The following DOCK1 variants were observed in gnomAD, a reference collection of about 807,000 sequenced individuals.
DOCK1 encodes dedicator of cytokinesis protein 1.
In DOCK1, 138 loss-of-function variants were observed where a neutral mutation model predicts 262.7. The ratio of observed to expected loss-of-function variants is 0.53; its 90% CI spans 0.46 to 0.61. The LOEUF (loss-of-function observed/expected upper bound fraction) is 0.61, where lower values mean the gene tolerates loss of function less well. Ranked by LOEUF, DOCK1 falls within the 20% of genes least tolerant of loss-of-function variation. The probability of loss-of-function intolerance (pLI) is 0.00; values close to 1 mark genes in which losing one functional copy is unlikely to be tolerated. For missense variants in DOCK1, 1,908 were observed against 2,370.7 expected (o/e 0.80, Z 4.05); for synonymous variants, 866 against 867.4 (o/e 1.00, Z 0.03).
intron 27 of DOCK1, among the ~76,000 whole-genome samples, chr10:127,178,149 A>C (rs1228253440): frequency 2.6e-5 from 4 of 152,222 alleles, no homozygotes; most frequent in Admixed American, 6.5e-5. Flanking sequence ...CTAGCCCTCT[A>C]TTAAAATGAC....
intron 1 of DOCK1, among the ~76,000 whole-genome samples, chr10:126,970,117 G>A (rs917074303): frequency 2.6e-5 from 4 of 152,090 alleles, no homozygotes; most frequent in African/African-American, 9.7e-5. Flanking sequence ...AGTGTGGTTG[G>A]AATTTAATGG....
At chr10:127,017,284 G>GAC (rs565623720) in intron 12 of DOCK1, among the ~76,000 whole-genome samples, 1 of 88,382 alleles carries the variant, frequency 1.1e-5, no homozygotes, top group Non-Finnish European at 2.4e-5. Flanking sequence ...GACACACACA[G>GAC]ACACACACAT....
At chr10:127,130,859 C>T (rs2050279823) in intron 27 of DOCK1, among the ~76,000 whole-genome samples, 1 of 152,204 alleles carries the variant, frequency 6.6e-6, no homozygotes, top group South Asian at 2.1e-4. Flanking sequence ...GCACACGATG[C>T]TGATGGCCGT....
At chr10:127,329,076 G>A (rs2062865098) in intron 29 of DOCK1, among the ~76,000 whole-genome samples, 1 of 152,012 alleles carries the variant, frequency 6.6e-6, no homozygotes. Context: ...TATCACTACT[G>A]TTGATTTCCA....
chr10:127,293,684 C>A (rs1205154472), intron 29 of DOCK1, among the ~76,000 whole-genome samples: 2 of 152,220 alleles, frequency 1.3e-5, no homozygotes, highest in Non-Finnish European at 2.9e-5. Flanking sequence ...CCCTATGAAC[C>A]AGAAGATCAA....
chr10:127,340,271 G>A (rs2063373565), intron 30 of DOCK1, among the ~76,000 whole-genome samples: 1 of 152,112 alleles, frequency 6.6e-6, no homozygotes, highest in African/African-American at 2.4e-5. Flanking sequence ...CAGTTTAGCA[G>A]GTAAAATAGG....
rs1476134571 is a variant in DOCK1 at position 127,251,370 on chromosome 10, CA to C, written c.2949+3262del. On this transcript the variant is annotated intron_variant, in intron 28 of 51. Transcript: ENST00000623213. ...ATATGAAAGTGGCCAAAACACTTTCCATTTTTTTTTAAATTTTATTATTATT... is the reference window on the plus strand; with the variant it reads ...ATATGAAAGTGGCCAAAACACTTTCCTTTTTTTTTAAATTTTATTATTATT... 1.4e-3 allele frequency among the ~76,000 whole-genome samples: 217 copies of C among 150,094 alleles called. 1 individual carries two copies. The highest frequency in any genetic ancestry group is 1.2e-3 in the East Asian group (6 of 5,122).
intron 29 of DOCK1, among the ~76,000 whole-genome samples, chr10:127,337,528 A>T (rs989911442): frequency 1.3e-5 from 2 of 152,164 alleles, no homozygotes; most frequent in Non-Finnish European, 2.9e-5. Flanking sequence ...GCTTTATTCA[A>T]ATTTAACTGG....
rs1007133724 is a variant in DOCK1 at position 126,943,072 on chromosome 10, C to G, written c.47-27630C>G. Among the ~76,000 whole-genome samples, 3 of 147,372 alleles carry G rather than the reference C, an allele frequency of 2.0e-5. No homozygotes were observed. The South Asian group carries it at 6.6e-4, about 32-fold the overall frequency. On this transcript the variant is annotated intron_variant, in intron 1 of 51. Coordinates refer to ENST00000623213, the MANE Select transcript of DOCK1 (RefSeq NM_001290223.2). Reference sequence around the variant, plus strand: ...AGGAGTTCAAGACCAGCCTGGCCAACATGGTGAAATCCTATCTCTACCAAA... The same window carrying G: ...AGGAGTTCAAGACCAGCCTGGCCAAGATGGTGAAATCCTATCTCTACCAAA...
chr10:127,348,221 G>T (rs1031631318), intron 31 of DOCK1, among the ~76,000 whole-genome samples: 2 of 151,826 alleles, frequency 1.3e-5, no homozygotes, highest in African/African-American at 4.8e-5. Context: ...AGACATCCTT[G>T]GTGCTAGTGA....
At chr10:127,308,294 C>A (rs2061948308) in intron 29 of DOCK1, among the ~76,000 whole-genome samples, 1 of 152,212 alleles carries the variant, frequency 6.6e-6, no homozygotes, top group African/African-American at 2.4e-5. Flanking sequence ...CTCCTCCTTG[C>A]CACCTCGTTG....
intron 25 of DOCK1, among the ~76,000 whole-genome samples, chr10:127,118,803 C>A (rs1161932677): frequency 2.6e-5 from 4 of 152,168 alleles, no homozygotes; most frequent in Non-Finnish European, 5.9e-5. Flanking sequence ...CTGTACAGGC[C>A]ATTTGTGTTT....
At chr10:126,986,034 A>G (rs1191202275) in intron 4 of DOCK1, among the ~76,000 whole-genome samples, 2 of 152,030 alleles carry the variant, frequency 1.3e-5, no homozygotes, top group Non-Finnish European at 2.9e-5. Flanking sequence ...ATTTATTTTT[A>G]GTAGAGACGG....
chr10:126,994,105 G>A (rs996920594), intron 6 of DOCK1, among the ~76,000 whole-genome samples: 9 of 152,112 alleles, frequency 5.9e-5, no homozygotes, highest in Non-Finnish European at 1.3e-4. Flanking sequence ...CGGGTAAGAG[G>A]CACCTATGGT....
rs935295700 is a variant in DOCK1 at position 127,353,239 on chromosome 10, G to A, written c.3225-1430G>A. Among the ~76,000 whole-genome samples, 5 of 152,140 alleles carry A rather than the reference G, an allele frequency of 3.3e-5. No homozygotes were observed. In the East Asian group the frequency reaches 5.8e-4, roughly 18 times the overall value. ...CACCCCTGGGAAATGCTGCAAGGAC[G>A]TCAGCCTGCCAGGTCACCCTGCAGC... is the stretch of plus-strand genomic sequence containing the variant. On this transcript the variant is annotated intron_variant, in intron 31 of 51. Coordinates refer to ENST00000623213, the MANE Select transcript of DOCK1 (RefSeq NM_001290223.2).
At chr10:126,953,238 TTGGTAGTGG>T (rs1468222154) in intron 1 of DOCK1, among the ~76,000 whole-genome samples, 5 of 149,930 alleles carry the variant, frequency 3.3e-5, no homozygotes, top group Non-Finnish European at 7.4e-5. Context: ...TTTAGTAGTG[TTGGTAGTGG>T]TGGTATTGGT....
chr10:127,142,735 A>G (rs1348355388), intron 27 of DOCK1, among the ~76,000 whole-genome samples: 1 of 152,146 alleles, frequency 6.6e-6, no homozygotes, highest in African/African-American at 2.4e-5. Flanking sequence ...AGATAAGGGA[A>G]CCATCCACCC....
intron 29 of DOCK1, among the ~76,000 whole-genome samples, chr10:127,264,559 T>C (rs2060286023): frequency 6.6e-6 from 1 of 152,222 alleles, no homozygotes; most frequent in African/African-American, 2.4e-5. Context: ...CAAAGCTGAC[T>C]GCAGGATAAA....
chr10:127,336,695 A>T (rs1327708249), intron 29 of DOCK1, among the ~76,000 whole-genome samples: 1 of 152,030 alleles, frequency 6.6e-6, no homozygotes, highest in African/African-American at 2.4e-5. Flanking sequence ...GCCCGCCACC[A>T]CACCCAGCTA....
Sources: gnomAD v4.1 joint callset for allele counts (sites outside exome capture counted in the v4.1 genomes callset) on GRCh38, gnomAD v4.1.1 for gene constraint, MANE v1.5 for transcripts, NCBI Gene and HGNC (gene_info 2026-07-23, HGNC 2026-07-21) for gene names.